The following RBMS3 variants were observed in gnomAD, a reference collection of about 807,000 sequenced individuals.
RBMS3 encodes RNA binding motif single stranded interacting protein 3, also known as RNA-binding motif, single-stranded-interacting protein 3.
A neutral mutation model predicts 66.8 loss-of-function variants in RBMS3; 27 were observed. That is an observed-to-expected ratio of 0.40 (90% CI 0.30 to 0.56). RBMS3 has a LOEUF of 0.56. RBMS3 is among the 20% of genes least tolerant of loss of function. RBMS3 has a pLI of 0.40. For missense variants in RBMS3, 513 were observed against 549.5 expected (o/e 0.93, Z 0.66); for synonymous variants, 188 against 183.0 (o/e 1.03, Z -0.22).
chr3:29,660,609 G>GTT (rs200467014), intron 4 of RBMS3, among the ~76,000 whole-genome samples: 5 of 151,308 alleles, frequency 3.3e-5, no homozygotes, highest in Admixed American at 1.3e-4. Context: ...GGTTAGCTGG[G>GTT]TTTTTTTTTA....
At chr3:29,429,799 A>G (rs2041110165) in intron 1 of RBMS3, among the ~76,000 whole-genome samples, 1 of 152,182 alleles carries the variant, frequency 6.6e-6, no homozygotes, top group Non-Finnish European at 1.5e-5. Flanking sequence ...AGTGCTCCAA[A>G]ATGATTTAAA....
At chr3:29,834,144 T>G (rs912720016) in intron 6 of RBMS3, among the ~76,000 whole-genome samples, 16 of 151,808 alleles carry the variant, frequency 1.1e-4, no homozygotes, top group African/African-American at 2.7e-4. Context: ...AATAAATAAA[T>G]AAATAAAAGT....
intron 4 of RBMS3, among the ~76,000 whole-genome samples, chr3:29,653,800 T>C (rs1282597903): frequency 2.0e-5 from 3 of 152,186 alleles, no homozygotes; most frequent in Admixed American, 2.0e-4. Context: ...ACAATTCTGC[T>C]TTTCCTAATT....
rs147637154 is a variant in RBMS3 at position 29,796,829 on chromosome 3, C to T, written c.637+33840C>T. 3.0e-3 allele frequency among the ~76,000 whole-genome samples: 456 copies of T among 150,128 alleles called. 2 individuals carry two copies. The highest frequency in any genetic ancestry group is 5.2e-3 in the Non-Finnish European group (351 of 67,784). ...CTGGGTTCAAGCGATTCTCCTGCCT[C>T]GGCCTCCAGAGTAGCTGGGACTATA... On this transcript the variant is annotated intron_variant, in intron 6 of 14. Transcript: ENST00000383767.
At chr3:29,798,069 C>T (rs944809708) in intron 6 of RBMS3, among the ~76,000 whole-genome samples, 1 of 151,758 alleles carries the variant, frequency 6.6e-6, no homozygotes, top group Non-Finnish European at 1.5e-5. Flanking sequence ...AGAGTCAGAA[C>T]ATACGTTTAT....
At chr3:29,973,248 G>T (rs1697339596) in intron 12 of RBMS3, among the ~76,000 whole-genome samples, 1 of 151,956 alleles carries the variant, frequency 6.6e-6, no homozygotes, top group Admixed American at 6.6e-5. Flanking sequence ...ACTGAAGAGG[G>T]TATGAGCAGA....
intron 10 of RBMS3, among the ~76,000 whole-genome samples, chr3:29,927,804 C>G (rs1178107034): frequency 6.6e-6 from 1 of 152,126 alleles, no homozygotes; most frequent in Admixed American, 6.5e-5. Flanking sequence ...GCTATGCTAA[C>G]AAGGCCATCC....
At chr3:29,542,898 CT>C (rs905298671) in intron 3 of RBMS3, among the ~76,000 whole-genome samples, 5 of 152,264 alleles carry the variant, frequency 3.3e-5, no homozygotes, top group African/African-American at 1.2e-4. Context: ...GTTCACCATC[CT>C]TGGCAAAGGT....
At chr3:29,884,979 A>G (rs2059835048) in intron 8 of RBMS3, among the ~76,000 whole-genome samples, 1 of 151,984 alleles carries the variant, frequency 6.6e-6, no homozygotes. Flanking sequence ...GAAGATCAAC[A>G]TAGAGGGTAG....
chr3:29,946,974 T>C (rs921763833), intron 12 of RBMS3, among the ~76,000 whole-genome samples: 2 of 151,584 alleles, frequency 1.3e-5, no homozygotes, highest in African/African-American at 4.8e-5. Flanking sequence ...AGTGTGCAAT[T>C]ATGATATTGG....
chr3:29,349,143 A>G (rs918448076), intron 1 of RBMS3, among the ~76,000 whole-genome samples: 1 of 152,126 alleles, frequency 6.6e-6, no homozygotes, highest in Non-Finnish European at 1.5e-5. Context: ...TTGAAAGCAC[A>G]TCTGTGACAT....
chr3:29,776,835 C>G (rs2056444248), intron 6 of RBMS3, among the ~76,000 whole-genome samples: 2 of 151,922 alleles, frequency 1.3e-5, no homozygotes, highest in Non-Finnish European at 2.9e-5. Context: ...GCCTTATGTA[C>G]AGCTCATTCT....
At position 29,696,527 on chromosome 3, in the gene RBMS3, AG is replaced by A. The variant is rs555809481; in HGVS notation, c.400-43191del. 1.5e-3 allele frequency among the ~76,000 whole-genome samples: 231 copies of A among 152,320 alleles called. 2 individuals carry two copies. Among genetic ancestry groups the A allele is most frequent in the African/African-American group, 5.3e-3 (219 of 41,580 alleles). On this transcript the variant is annotated intron_variant, in intron 4 of 14. Coordinates refer to ENST00000383767, the MANE Select transcript of RBMS3 (RefSeq NM_001003793.3). Reference sequence around the variant, plus strand: ...GTCACACACTGTATGAGAACTGGAAAGGATAGATCTTTTGTTACATCAGCCA... The same window carrying A: ...GTCACACACTGTATGAGAACTGGAAAGATAGATCTTTTGTTACATCAGCCA...
intron 4 of RBMS3, among the ~76,000 whole-genome samples, chr3:29,642,227 G>T (rs1010052416): frequency 6.6e-6 from 1 of 152,052 alleles, no homozygotes; most frequent in African/African-American, 2.4e-5. Context: ...AAGTGGAAAT[G>T]CTGGGATTCA....
chr3:29,641,000 G>T (rs1355949602), intron 4 of RBMS3: 1 of 151,756 alleles, frequency 6.6e-6, no homozygotes, highest in East Asian at 1.9e-4. Flanking sequence ...TTGGCCAATT[G>T]CACAAAATAA....
chr3:29,600,073 G>A (rs959517777), intron 4 of RBMS3, among the ~76,000 whole-genome samples: 2 of 152,066 alleles, frequency 1.3e-5, no homozygotes, highest in Non-Finnish European at 2.9e-5. Flanking sequence ...AACAAATAGA[G>A]TAATGATATT....
chr3:29,479,106 G>A (rs1195403706), intron 2 of RBMS3, among the ~76,000 whole-genome samples: 3 of 152,008 alleles, frequency 2.0e-5, no homozygotes, highest in Non-Finnish European at 2.9e-5. Flanking sequence ...TTAAATATAA[G>A]CAATATAACT....
chr3:29,640,720 T>G (rs17024063), intron 4 of RBMS3, among the ~76,000 whole-genome samples: 11,867 of 152,014 alleles, frequency 0.078, 809 homozygotes, highest in East Asian at 0.35. Context: ...CATTTTTTCC[T>G]TGTTTTAAAG....
At chr3:29,316,494 T>C (rs919822767) in intron 1 of RBMS3, among the ~76,000 whole-genome samples, 1 of 151,650 alleles carries the variant, frequency 6.6e-6, no homozygotes, top group African/African-American at 2.4e-5. Context: ...GTGAACTTTC[T>C]TGTAAAGGAC....
Sources: allele counts gnomAD v4.1 joint callset (sites outside exome capture counted in the v4.1 genomes callset), GRCh38; gene constraint gnomAD v4.1.1; transcripts MANE v1.5; gene names NCBI Gene and HGNC (gene_info 2026-07-23, HGNC 2026-07-21).